Variants in NUP205 observed in about 807,000 individuals in gnomAD.
NUP205 encodes nuclear pore complex protein Nup205.
Under a neutral mutation model 253.8 loss-of-function variants are expected in NUP205, and 76 were observed. That is an observed-to-expected ratio of 0.30 (90% confidence interval 0.25 to 0.36). The LOEUF is 0.36. Among genes scored for constraint, NUP205 ranks in the 10% least tolerant of loss-of-function variants. The probability of loss-of-function intolerance (pLI) is 1.00; values close to 1 mark genes in which losing one functional copy is unlikely to be tolerated. For synonymous variants in NUP205, 832 were observed against 850.1 expected, an observed-to-expected ratio of 0.98 and a Z score of 0.37; for missense variants, 2,162 against 2,425.5, an observed-to-expected ratio of 0.89 and a Z score of 2.28.
chr7:135,567,126 GTGTATATATATATA>G (rs1805789964), intron 1 of NUP205, among the ~76,000 whole-genome samples: 2 of 5,378 alleles, frequency 3.7e-4, no homozygotes, highest in Admixed American at 4.0e-3. Flanking sequence ...CAGTCTATGT[GTGTATATATATATA>G]TATATATATA....
At chr7:135,639,547 C>T (rs964701408) in intron 38 of NUP205, among the ~76,000 whole-genome samples, 9 of 151,840 alleles carry the variant, frequency 5.9e-5, no homozygotes, top group East Asian at 1.9e-4. Context: ...ACAAGTTAGC[C>T]GGGTGCAGTG....
chr7:135,571,292 T>C lies in NUP205; in HGVS notation c.171+45T>C, dbSNP rs1450586752. The stretch of plus-strand genomic sequence containing the variant: ...AGTTTTTTTGGGATTTTTTTTTTTT[T>C]AAGATCGAGGAAGGAAGTAAACTCT... On this transcript the variant is annotated intron_variant, in intron 2 of 42. Coordinates refer to ENST00000285968, the MANE Select transcript of NUP205 (RefSeq NM_015135.3). 2.5e-6 allele frequency: 3 copies of C among 1,204,140 alleles called. No homozygotes were observed. The East Asian group carries it at 8.7e-5, about 35-fold the overall frequency. 74.6% of individuals were successfully genotyped at this position (1,204,140 alleles called of 1,614,324 possible). A position where few individuals can be genotyped will look rare whatever the true frequency, so the allele number is the denominator to read the frequency against.
intron 7 of NUP205, among the ~76,000 whole-genome samples, chr7:135,584,045 ACT>A (rs1322533345): frequency 1.3e-5 from 2 of 151,396 alleles, no homozygotes; most frequent in East Asian, 3.9e-4. Context: ...GTTTCTCCAT[ACT>A]CCCGACCTCA....
intron 1 of NUP205, among the ~76,000 whole-genome samples, chr7:135,567,424 C>G (rs1202190335): frequency 1.3e-5 from 1 of 77,680 alleles, no homozygotes; most frequent in African/African-American, 5.2e-5. Context: ...CCTGTCTATA[C>G]CAAAAAAAAA....
chr7:135,617,865 A>C (rs1794393636), intron 27 of NUP205, among the ~76,000 whole-genome samples, 183 bp downstream of exon 27: 1 of 151,002 alleles, frequency 6.6e-6, no homozygotes, highest in Admixed American at 6.7e-5. Context: ...TGGTATGCCA[A>C]AATAAATAAC....
chr7:135,617,397 C>A, intron 26 of NUP205, 150 bp downstream of exon 26: 1 of 849,358 alleles, frequency 1.2e-6, no homozygotes, highest in Non-Finnish European at 1.8e-6. Flanking sequence ...TAAAATATCC[C>A]TGAAATAAAA....
intron 18 of NUP205, 107 bp downstream of exon 18, chr7:135,603,101 G>C: frequency 1.5e-6 from 1 of 688,924 alleles, no homozygotes; most frequent in Non-Finnish European, 2.2e-6. Context: ...TTTTATTTTT[G>C]CCTCATTTTA....
chr7:135,619,464 C>A lies in NUP205; in HGVS notation c.4005C>A (p.Val1335=), dbSNP rs756027118. The A allele has an allele frequency of 6.2e-7, 1 of 1,613,394 alleles. No homozygotes were observed. The highest frequency in any genetic ancestry group is 8.5e-7 in the Non-Finnish European group (1 of 1,180,014). The change falls in exon 29 of 43, where the codon GTC becomes GTA. Residue 1335 remains valine (V), a synonymous_variant. Coordinates refer to ENST00000285968, the MANE Select transcript of NUP205 (RefSeq NM_015135.3). ...CTGCGCAAGAGTTAATGCCTGTGGT[C>A]GCCGGGGCAGTGTTCACACTGACTG... ...DEAAQELMPV[V]AGAVFTLTAH...
In NUP205 at chr7:135,594,611, G is replaced by T; in HGVS notation, c.1895G>T (p.Gly632Val). ...TGGACCCCTGTTGTGGTGATTCTGG[G>T]ACTCCTCCAATGCAGTATTCCCCCT... ...PQWTPVVVIL[G>V]LLQCSIPPVL... is the part of the protein sequence containing the mutation. Residue 632 changes from glycine (G) to valine (V), a missense_variant, in exon 13 of 43, where the codon GGA becomes GTA. Physicochemically the swap from Gly to Val is moderately radical, Grantham distance 109. Transcript: ENST00000285968. 1 of 1,613,544 alleles carries T rather than the reference G, an allele frequency of 6.2e-7. No homozygotes were observed. Among genetic ancestry groups the T allele is most frequent in the Non-Finnish European group, 8.5e-7 (1 of 1,179,762 alleles).
At chr7:135,560,006 C>G (rs544491459) in intron 1 of NUP205, among the ~76,000 whole-genome samples, 2 of 151,952 alleles carry the variant, frequency 1.3e-5, no homozygotes, top group Non-Finnish European at 2.9e-5. Flanking sequence ...TTACAGGCGC[C>G]CGCCACTACA....
intron 1 of NUP205, among the ~76,000 whole-genome samples, chr7:135,568,420 C>T (rs1805845281): frequency 6.6e-6 from 1 of 151,822 alleles, no homozygotes; most frequent in Admixed American, 6.6e-5. Flanking sequence ...GCAACCTCCA[C>T]CTCCCAGGTT....
chr7:135,628,138 T>C (rs1292427181), intron 34 of NUP205, 27 bp downstream of exon 34: 18 of 1,591,332 alleles, frequency 1.1e-5, no homozygotes, highest in Non-Finnish European at 1.5e-5. Flanking sequence ...GTTTAGATAT[T>C]GTCTAGAGCA....
Position 135,607,306 on chromosome 7 carries a change from A to G in NUP205, c.3130A>G (p.Thr1044Ala). The change falls in exon 22 of 43, where the codon ACG becomes GCG. Residue 1044 changes from threonine (T) to alanine (A), a missense_variant. Coordinates refer to ENST00000285968, the MANE Select transcript of NUP205 (RefSeq NM_015135.3). ...CATTCTAAACATCTTGGAGAAAGGAACGGAAGGGAGAACAGGCCCAGTGGC... is the reference window on the plus strand; with the variant it reads ...CATTCTAAACATCTTGGAGAAAGGAGCGGAAGGGAGAACAGGCCCAGTGGC... Reference protein sequence around the residue: ...HAILNILEKGTEGRTGPVAVR... With the variant: ...HAILNILEKGAEGRTGPVAVR... 1 of 1,614,142 alleles carries G rather than the reference A, an allele frequency of 6.2e-7. No individual in the cohort carries two copies. The highest frequency in any genetic ancestry group is 8.5e-7 in the Non-Finnish European group (1 of 1,179,972).
Position 135,648,502 on chromosome 7 carries a change from C to T in NUP205, c.5985C>T (p.Phe1995=). Reference sequence around the variant, plus strand: ...CAAAAGTTCGATCTCGATATAGTTTCATACAGGCTCTTGTCAGACGTATCC... The same window carrying T: ...CAAAAGTTCGATCTCGATATAGTTTTATACAGGCTCTTGTCAGACGTATCC... ...LYSKVRSRYS[F]IQALVRRIRG... Residue 1995 remains phenylalanine (F), a synonymous_variant, in exon 43 of 43, where the codon TTC becomes TTT. Transcript: ENST00000285968. 6.2e-7 allele frequency: 1 copy of T among 1,605,368 alleles called. No individual in the cohort carries two copies. The highest frequency in any genetic ancestry group is 8.5e-7 in the Non-Finnish European group (1 of 1,177,222).
intron 20 of NUP205, 130 bp from the exon 21 acceptor site, chr7:135,606,621 G>T (rs1380228418): frequency 2.9e-6 from 2 of 680,470 alleles, no homozygotes; most frequent in Non-Finnish European, 5.0e-6. Context: ...AATCTGAAAT[G>T]AATGTGATAG....
At chr7:135,591,677 A>G (rs369012753) in intron 11 of NUP205, 77 bp downstream of exon 11, 1 of 1,339,014 alleles carries the variant, frequency 7.5e-7, no homozygotes. Flanking sequence ...TATTAAGAAC[A>G]TTGGTGTTTG....
intron 34 of NUP205, among the ~76,000 whole-genome samples, chr7:135,629,596 A>G (rs1379803273): frequency 2.7e-5 from 4 of 147,316 alleles, no homozygotes; most frequent in Non-Finnish European, 5.9e-5. Context: ...GCACGATTCC[A>G]GCTCACTGCA....
At chr7:135,596,667 T>C (rs1485003881) in intron 13 of NUP205, among the ~76,000 whole-genome samples, 2 of 151,986 alleles carry the variant, frequency 1.3e-5, no homozygotes, top group Admixed American at 1.3e-4. Context: ...TTAAGTTTAC[T>C]GGCTGGGTGC....
chr7:135,610,267 G>C (rs922131782), intron 22 of NUP205, among the ~76,000 whole-genome samples: 3 of 152,030 alleles, frequency 2.0e-5, no homozygotes, highest in African/African-American at 2.4e-5. Context: ...TATTGCCCAG[G>C]TGGAGTGCAG....
Sources: gnomAD v4.1 joint callset for allele counts (sites outside exome capture counted in the v4.1 genomes callset) on GRCh38, gnomAD v4.1.1 for gene constraint, MANE v1.5 for transcripts, NCBI Gene and HGNC (gene_info 2026-07-23, HGNC 2026-07-21) for gene names.